Variants in SPG7 observed in about 807,000 individuals in gnomAD.
SPG7 encodes the protein SPG7 matrix AAA peptidase subunit, paraplegin.
In SPG7, 103 loss-of-function variants were observed where a neutral mutation model predicts 81.9. The ratio of observed to expected loss-of-function variants is 1.26; its 90% CI spans 1.07 to 1.48. SPG7 has a LOEUF of 1.48. Among genes scored for constraint, SPG7 ranks in the 40% most tolerant of loss-of-function variants. The pLI, the probability that SPG7 is intolerant of heterozygous loss-of-function variation, is 0.00. For missense variants in SPG7, 1,241 were observed against 1,087.3 expected (o/e 1.14, Z -1.99); for synonymous variants, 534 against 444.2 (o/e 1.20, Z -2.54).
intron 9 of SPG7, 35 bp from the exon 10 acceptor site, chr16:89,544,613 T>C (rs374090871): frequency 1.1e-5 from 17 of 1,613,162 alleles, no homozygotes; most frequent in Middle Eastern, 1.7e-4. Context: ...TCAGGACCCC[T>C]ACCCTCAGAG....
intron 13 of SPG7, chr16:89,551,224 G>A (rs943420750): frequency 6.2e-5 from 11 of 177,264 alleles, no homozygotes; most frequent in African/African-American, 1.6e-4. Context: ...CGCAGGTGCC[G>A]TCTTTACAGT....
intron 9 of SPG7, chr16:89,540,850 G>A (rs913932290): frequency 1.4e-5 from 13 of 958,984 alleles, no homozygotes; most frequent in African/African-American, 1.8e-5. Context: ...ATGCCTGGGC[G>A]CCGACGCTCA....
intron 2 of SPG7, among the ~76,000 whole-genome samples, chr16:89,510,865 G>A (rs921752926): frequency 2.6e-5 from 4 of 152,128 alleles, no homozygotes; most frequent in Admixed American, 2.0e-4. Context: ...TCACTTTGTT[G>A]TCCAGGCCCA....
intron 5 of SPG7, chr16:89,526,923 AGGATGGCGAAGTCTCAGCCCCCGACG>A: frequency 2.9e-5 from 5 of 171,400 alleles, no homozygotes; most frequent in African/African-American, 1.3e-4. Context: ...CCCCCGACGT[AGGATGGCGAAGTCTCAGCCCCCGACG>A]TAGGATGGCG....
intron 13 of SPG7, chr16:89,551,272 G>A (rs2058631763): frequency 5.9e-6 from 1 of 169,612 alleles, no homozygotes; most frequent in Non-Finnish European, 1.3e-5. Flanking sequence ...AGGCTCACCT[G>A]AGAAGGCGGC....
chr16:89,539,089 G>A (rs920794588), intron 9 of SPG7: 3 of 152,206 alleles, frequency 2.0e-5, no homozygotes, highest in Non-Finnish European at 4.4e-5. Flanking sequence ...GTGTTTTCCA[G>A]GGCTCTGAAC....
intron 9 of SPG7, chr16:89,543,311 TCTTTA>T (rs1467034199): frequency 1.3e-5 from 2 of 149,450 alleles, no homozygotes; most frequent in African/African-American, 4.9e-5. Context: ...TCTTGTCGTA[TCTTTA>T]CTTTTAACAC....
rs2152398190 is a variant in SPG7 at position 89,521,101 on chromosome 16, G to C, written c.377-2905G>C. On this transcript the variant is annotated intron_variant, in intron 3 of 16. Transcript: ENST00000645818. ...CCCTGCGGTGCCTTCACTTGTGGCT[G>C]GAAGAGCCTTCTCTGTGATCCTGTG... The C allele has an allele frequency of 2.0e-5, 3 of 152,366 alleles. No individual in the cohort carries two copies. In the Middle Eastern group the frequency reaches 0.01, roughly 518 times the overall value. 9.4% of individuals were successfully genotyped at this position (152,366 alleles called of 1,614,324 possible).
At chr16:89,530,225 A>G in intron 6 of SPG7, 1 of 317,732 alleles carries the variant, frequency 3.1e-6, no homozygotes, top group South Asian at 2.7e-5. Flanking sequence ...GCTCACTGCA[A>G]CCTCTGCCTC....
rs370089344 is a variant in SPG7, at chr16:89,532,447, C to T, written c.1151-16C>T. On this transcript the variant is annotated splice_polypyrimidine_tract_variant and intron_variant, in intron 8 of 16. Coordinates refer to ENST00000645818, the MANE Select transcript of SPG7 (RefSeq NM_003119.4). ...TATTAACTGCCCATTTCCTGATTCT[C>T]TCTGTGTCCCCTCAGGCCTCGGCGC... 11 of 1,613,148 alleles carry T rather than the reference C, an allele frequency of 6.8e-6. No homozygotes were observed. The highest frequency in any genetic ancestry group is 1.1e-5 in the South Asian group (1 of 91,072).
rs1348515048 is a variant in SPG7, at chr16:89,531,921, C to T, written c.1005C>T (p.Leu335=). The change falls in exon 8 of 17, where the codon CTC becomes CTT. Residue 335 remains leucine (L), a synonymous_variant. Coordinates refer to ENST00000645818, the MANE Select transcript of SPG7 (RefSeq NM_003119.4). ...CCGTCCAGAGCCCAGAACGCTTCCT[C>T]CAGCTTGGCGCCAAGGTCCCAAAGG... ...VDYLKSPERF[L]QLGAKVPKGA... 6 of 1,614,010 alleles carry T rather than the reference C, an allele frequency of 3.7e-6. No individual in the cohort carries two copies. Among genetic ancestry groups the T allele is most frequent in the Non-Finnish European group, 3.4e-6 (4 of 1,179,968 alleles).
rs1476615298 is a variant in SPG7, at chr16:89,546,770, C to G, written c.1552+10C>G. On this transcript the variant is annotated intron_variant, in intron 11 of 16. Coordinates refer to ENST00000645818, the MANE Select transcript of SPG7 (RefSeq NM_003119.4). ...ACACCAGGATTCAGTGGTACGTTCT[C>G]AACCCGCAGCCTGGGCAGCGTCACG... The G allele has an allele frequency of 1.3e-6, 2 of 1,584,920 alleles. No homozygotes were observed. Among genetic ancestry groups the G allele is most frequent in the Non-Finnish European group, 1.7e-6 (2 of 1,153,476 alleles).
chr16:89,512,817 C>A (rs774207582), intron 2 of SPG7, 131 bp from the exon 3 acceptor site: 250 of 851,346 alleles, frequency 2.9e-4, no homozygotes, highest in Non-Finnish European at 4.7e-4. Flanking sequence ...ATTTATAAAT[C>A]TTATGGATAT....
intron 12 of SPG7, 59 bp downstream of exon 12, chr16:89,548,172 A>C: frequency 8.3e-7 from 1 of 1,203,812 alleles, no homozygotes; most frequent in Non-Finnish European, 1.2e-6. Context: ...CCCCAGAAAT[A>C]CCCAGGCAGG....
intron 6 of SPG7, 72 bp from the exon 7 acceptor site, chr16:89,530,611 G>A: frequency 6.3e-7 from 1 of 1,597,056 alleles, no homozygotes; most frequent in Non-Finnish European, 8.6e-7. Context: ...AGGTGCGTGG[G>A]CTGAGCGCTG....
At chr16:89,520,777 C>G (rs1399200927) in intron 3 of SPG7, 2 of 152,114 alleles carry the variant, frequency 1.3e-5, no homozygotes, top group East Asian at 3.9e-4. Flanking sequence ...AACTCCTGGA[C>G]TCAAGTGATC....
Position 89,548,118 on chromosome 16 carries a change from A to G in SPG7, c.1663+5A>G, listed in dbSNP as rs777200735. 6 of 1,593,760 alleles carry G rather than the reference A, an allele frequency of 3.8e-6. No individual in the cohort carries two copies. Among genetic ancestry groups the G allele is most frequent in the South Asian group, 1.1e-5 (1 of 90,894 alleles). On this transcript the variant is annotated splice_donor_5th_base_variant and intron_variant, in intron 12 of 16. Coordinates refer to ENST00000645818, the MANE Select transcript of SPG7 (RefSeq NM_003119.4). ...CCGTGGAGCGCGTCCTCGCAGGTAC[A>G]GGGGGCGCGCCCTGGGTGAAGGCCC...
intron 16 of SPG7, chr16:89,555,525 T>G: frequency 1.0e-5 from 2 of 194,300 alleles, no homozygotes. Context: ...CCACACGTGA[T>G]TCAGATGTGC....
chr16:89,536,515 G>A (rs1373952368), intron 9 of SPG7, among the ~76,000 whole-genome samples: 2 of 46,746 alleles, frequency 4.3e-5, no homozygotes, highest in African/African-American at 1.3e-4. Flanking sequence ...TGAGGCGGGT[G>A]AGGTCAGGTG....
Sources: gnomAD v4.1 joint callset for allele counts (sites outside exome capture counted in the v4.1 genomes callset) on GRCh38, gnomAD v4.1.1 for gene constraint, MANE v1.5 for transcripts, NCBI Gene and HGNC (gene_info 2026-07-23, HGNC 2026-07-21) for gene names.